The following GAS7 variants were observed in gnomAD, a reference collection of about 807,000 sequenced individuals.
The protein encoded by GAS7 is growth arrest-specific protein 7.
Under a neutral mutation model 71.1 loss-of-function variants are expected in GAS7, and 28 were observed. The observed-to-expected ratio is 0.39, with a 90% CI of 0.29 to 0.54. The LOEUF (loss-of-function observed/expected upper bound fraction) is 0.54, where lower values mean the gene tolerates loss of function less well. Among genes scored for constraint, GAS7 ranks in the 20% least tolerant of loss-of-function variants. The pLI is 0.62. For synonymous variants in GAS7, 258 were observed against 245.8 expected, an observed-to-expected ratio of 1.05 and a Z score of -0.46; for missense variants, 436 against 627.8, an observed-to-expected ratio of 0.69 and a Z score of 3.27.
At chr17:10,007,869 A>G (rs1007470885) in intron 2 of GAS7, among the ~76,000 whole-genome samples, 2 of 151,540 alleles carry the variant, frequency 1.3e-5, no homozygotes, top group African/African-American at 4.9e-5. Flanking sequence ...GAAACCCTGT[A>G]CCCATCAGCA....
chr17:10,084,560 A>G (rs927873508), intron 1 of GAS7, among the ~76,000 whole-genome samples: 18 of 152,020 alleles, frequency 1.2e-4, no homozygotes, highest in Non-Finnish European at 2.2e-4. Context: ...TCTGCTTCCC[A>G]GGTTCAAGTG....
chr17:10,143,207 T>C (rs1438254203), intron 1 of GAS7, among the ~76,000 whole-genome samples: 2 of 151,714 alleles, frequency 1.3e-5, no homozygotes, highest in Non-Finnish European at 2.9e-5. Flanking sequence ...AATCTGTATG[T>C]TGAAGTCTTA....
chr17:9,991,117 C>T (rs1176649168), intron 2 of GAS7, among the ~76,000 whole-genome samples: 1 of 152,126 alleles, frequency 6.6e-6, no homozygotes, highest in Non-Finnish European at 1.5e-5. Context: ...TAAGACAAAA[C>T]AAAAAACTAA....
At chr17:9,932,289 G>T (rs1283409279) in intron 9 of GAS7, among the ~76,000 whole-genome samples, 1 of 151,546 alleles carries the variant, frequency 6.6e-6, no homozygotes, top group Non-Finnish European at 1.5e-5. Context: ...CTGCCTCCAG[G>T]GTTCAAGAGA....
intron 5 of GAS7, among the ~76,000 whole-genome samples, chr17:9,956,396 A>G (rs2069238167): frequency 1.3e-5 from 2 of 152,134 alleles, no homozygotes; most frequent in Admixed American, 1.3e-4. Flanking sequence ...CTACGCTGGG[A>G]AGCCCTGAAG....
chr17:10,076,422 C>T (rs947581919), intron 1 of GAS7, among the ~76,000 whole-genome samples: 9 of 86,708 alleles, frequency 1.0e-4, no homozygotes, highest in African/African-American at 1.9e-4. Context: ...AAGAGGGAGG[C>T]GGAAAGGGAA....
intron 1 of GAS7, among the ~76,000 whole-genome samples, chr17:10,065,659 A>C (rs1174818568): frequency 6.6e-6 from 1 of 152,258 alleles, no homozygotes. Context: ...CAAGATCCTT[A>C]ACGTCATTGT....
chr17:9,941,278 C>T (rs1033836319), intron 7 of GAS7, among the ~76,000 whole-genome samples: 2 of 152,162 alleles, frequency 1.3e-5, no homozygotes, highest in African/African-American at 4.8e-5. Flanking sequence ...CCTCTCCATC[C>T]CCCTACCTTC....
intron 4 of GAS7, among the ~76,000 whole-genome samples, chr17:9,961,494 C>T (rs962919765): frequency 6.6e-6 from 1 of 152,208 alleles, no homozygotes; most frequent in Non-Finnish European, 1.5e-5. Context: ...CACATTACCA[C>T]CATCACCACC....
chr17:10,192,621 G>A (rs765028240), intron 1 of GAS7, among the ~76,000 whole-genome samples: 8 of 152,132 alleles, frequency 5.3e-5, no homozygotes, highest in East Asian at 1.9e-4. Flanking sequence ...GATTCCCGCC[G>A]ACTTGTTGCT....
intron 1 of GAS7, among the ~76,000 whole-genome samples, chr17:10,064,956 G>A (rs2073265150): frequency 6.6e-6 from 1 of 152,132 alleles, no homozygotes; most frequent in Non-Finnish European, 1.5e-5. Context: ...AAGTACCTGG[G>A]ACTACAGGTG....
chr17:10,115,082 T>C (rs2073848171), intron 1 of GAS7, among the ~76,000 whole-genome samples: 1 of 152,200 alleles, frequency 6.6e-6, no homozygotes, highest in African/African-American at 2.4e-5. Flanking sequence ...AAGCTGGCAC[T>C]GGGGTTTTGG....
At chr17:10,162,066 CAAAAAA>C (rs58368044) in intron 1 of GAS7, among the ~76,000 whole-genome samples, 5 of 103,616 alleles carry the variant, frequency 4.8e-5, no homozygotes, top group African/African-American at 1.9e-4. Flanking sequence ...GACTCCATCT[CAAAAAA>C]AAAAAAAAAA....
chr17:10,033,726 G>T (rs530469813), intron 1 of GAS7, among the ~76,000 whole-genome samples: 4 of 152,324 alleles, frequency 2.6e-5, no homozygotes, highest in African/African-American at 9.6e-5. Flanking sequence ...CTGACGGCCC[G>T]CCTGCACCTG....
intron 2 of GAS7, among the ~76,000 whole-genome samples, chr17:10,014,372 G>A (rs2071906002): frequency 6.6e-6 from 1 of 152,008 alleles, no homozygotes; most frequent in Non-Finnish European, 1.5e-5. Flanking sequence ...TAAAGCCTTC[G>A]CTCTGCCGCA....
At chr17:10,068,822 G>A (rs930348849) in intron 1 of GAS7, among the ~76,000 whole-genome samples, 2 of 152,000 alleles carry the variant, frequency 1.3e-5, no homozygotes, top group Admixed American at 1.3e-4. Context: ...TCAGTGAAGG[G>A]ACACAGAACC....
At chr17:9,977,960 C>T (rs1460389274) in intron 3 of GAS7, among the ~76,000 whole-genome samples, 1 of 152,220 alleles carries the variant, frequency 6.6e-6, no homozygotes, top group African/African-American at 2.4e-5. Flanking sequence ...TGCCTGTAAC[C>T]CCAGCACTTT....
intron 8 of GAS7, among the ~76,000 whole-genome samples, chr17:9,937,411 C>T (rs949805358): frequency 4.6e-5 from 7 of 152,326 alleles, no homozygotes; most frequent in East Asian, 3.9e-4. Flanking sequence ...TTGCAGGGCA[C>T]GGGGATACTT....
At chr17:10,072,149 C>T (rs2073346381) in intron 1 of GAS7, among the ~76,000 whole-genome samples, 1 of 151,998 alleles carries the variant, frequency 6.6e-6, no homozygotes, top group African/African-American at 2.4e-5. Flanking sequence ...TCCCATTAAA[C>T]CAGGATCCCT....
Sources: allele counts gnomAD v4.1 joint callset (sites outside exome capture counted in the v4.1 genomes callset), GRCh38; gene constraint gnomAD v4.1.1; transcripts MANE v1.5; gene names NCBI Gene and HGNC (gene_info 2026-07-23, HGNC 2026-07-21).